Variants in CACNA2D3 observed in about 807,000 individuals in gnomAD.
The protein encoded by CACNA2D3 is calcium voltage-gated channel auxiliary subunit alpha2delta 3.
In CACNA2D3, 60 loss-of-function variants were observed where a neutral mutation model predicts 160.6. The ratio of observed to expected loss-of-function variants is 0.37; its 90% CI spans 0.30 to 0.46. The LOEUF is 0.46. Ranked by LOEUF, CACNA2D3 falls within the 20% of genes least tolerant of loss-of-function variation. CACNA2D3 has a pLI of 1.00. For synonymous variants in CACNA2D3, 558 were observed against 492.9 expected (o/e 1.13, Z -1.75); for missense variants, 1,205 against 1,365.0 (o/e 0.88, Z 1.85).
rs554126211 is a variant in CACNA2D3, at chr3:54,878,776, G to T, written c.1711-242G>T. The T allele has an allele frequency of 3.7e-4, 130 of 347,360 alleles. 3 individuals carry two copies. The South Asian group carries it at 0.013, about 34-fold the overall frequency. The allele number at this position is 347,360 out of a possible 1,614,324, so 21.5% of individuals were successfully genotyped here. ...CCCGGGATTCATCAGTATCGCCAAG[G>T]CTCTTTTGTTATTGTCCTGAAGTTT... is the stretch of plus-strand genomic sequence containing the variant. On this transcript the variant is annotated intron_variant, in intron 18 of 37. Coordinates refer to ENST00000474759, the MANE Select transcript of CACNA2D3 (RefSeq NM_018398.3).
chr3:54,127,244 G>T (rs896184328), intron 2 of CACNA2D3, among the ~76,000 whole-genome samples: 2 of 152,234 alleles, frequency 1.3e-5, no homozygotes, highest in Admixed American at 1.3e-4. Context: ...CGCTGGAACA[G>T]AATTGACATT....
intron 13 of CACNA2D3, among the ~76,000 whole-genome samples, chr3:54,765,400 A>G (rs1302928590): frequency 1.3e-5 from 2 of 152,214 alleles, no homozygotes; most frequent in African/African-American, 4.8e-5. Flanking sequence ...TCTTGAATAA[A>G]GATGAATGTT....
At chr3:54,122,955 C>G (rs1449825901) in intron 1 of CACNA2D3, 120 bp downstream of exon 1, 2 of 950,966 alleles carry the variant, frequency 2.1e-6, no homozygotes, top group Non-Finnish European at 2.7e-6. Context: ...TCGGCCTCGC[C>G]GCTCGCACCT....
chr3:54,303,489 C>G (rs561882222), intron 2 of CACNA2D3, among the ~76,000 whole-genome samples: 1 of 152,302 alleles, frequency 6.6e-6, no homozygotes, highest in African/African-American at 2.4e-5. Context: ...GAGCCATTTT[C>G]AAAAGCCTAT....
chr3:54,338,450 C>A (rs1704439573), intron 3 of CACNA2D3, among the ~76,000 whole-genome samples: 1 of 146,040 alleles, frequency 6.8e-6, no homozygotes, highest in Non-Finnish European at 1.5e-5. Flanking sequence ...TTTTATAGCT[C>A]TCTTCATCTC....
intron 2 of CACNA2D3, among the ~76,000 whole-genome samples, chr3:54,226,097 T>C (rs1701665856): frequency 6.6e-6 from 1 of 152,062 alleles, no homozygotes; most frequent in African/African-American, 2.4e-5. Context: ...CTCAATGTCA[T>C]TGGCACTGAA....
chr3:54,691,569 G>A (rs904454579), intron 11 of CACNA2D3, among the ~76,000 whole-genome samples: 14 of 152,256 alleles, frequency 9.2e-5, no homozygotes, highest in African/African-American at 2.4e-4. Flanking sequence ...AAAAGGTGCC[G>A]AAAGTATATT....
intron 17 of CACNA2D3, among the ~76,000 whole-genome samples, chr3:54,857,672 TGTTCTCAGGGACTTCTGAGAGA>T (rs1281461325): frequency 6.6e-6 from 1 of 152,240 alleles, no homozygotes; most frequent in Non-Finnish European, 1.5e-5. Context: ...ACTTGAATCC[TGTTCTCAGGGACTTCTGAGAGA>T]ATTCAAGCCA....
chr3:54,871,881 C>T (rs1699544922), intron 18 of CACNA2D3, among the ~76,000 whole-genome samples: 1 of 152,196 alleles, frequency 6.6e-6, no homozygotes, highest in Admixed American at 6.5e-5. Flanking sequence ...GGACGCTGGT[C>T]CCCTCTGCAG....
intron 9 of CACNA2D3, among the ~76,000 whole-genome samples, chr3:54,622,798 G>A (rs1249932165): frequency 1.3e-5 from 2 of 152,160 alleles, no homozygotes; most frequent in African/African-American, 4.8e-5. Context: ...GGGTGTACAT[G>A]GTTAGGATTG....
At chr3:54,339,810 T>C (rs1704474381) in intron 3 of CACNA2D3, among the ~76,000 whole-genome samples, 1 of 152,360 alleles carries the variant, frequency 6.6e-6, no homozygotes, top group African/African-American at 2.4e-5. Context: ...GTGGGTAGAA[T>C]TGAAACTACT....
rs527888989 is a variant in CACNA2D3 at position 54,145,400 on chromosome 3, A to G, written c.204+21806A>G. On this transcript the variant is annotated intron_variant, in intron 2 of 37. Coordinates refer to ENST00000474759, the MANE Select transcript of CACNA2D3 (RefSeq NM_018398.3). ...TCTGGAGCCTGGTTGCCAAACTGCA[A>G]GCTCTTTACTGCTAGCTTGAAAAAT... Among the ~76,000 whole-genome samples, 43 of 152,312 alleles carry G rather than the reference A, an allele frequency of 2.8e-4. No individual in the cohort carries two copies. The South Asian group carries it at 8.7e-3, about 31-fold the overall frequency.
intron 11 of CACNA2D3, among the ~76,000 whole-genome samples, chr3:54,693,030 A>AACC (rs797003162): frequency 2.6e-5 from 4 of 151,714 alleles, no homozygotes; most frequent in African/African-American, 7.3e-5. Flanking sequence ...GTAAAAAAAA[A>AACC]ACCACCACCA....
chr3:54,765,160 C>T (rs1452646455), intron 13 of CACNA2D3, among the ~76,000 whole-genome samples: 2 of 152,114 alleles, frequency 1.3e-5, no homozygotes, highest in African/African-American at 2.4e-5. Context: ...CAATGGCTGT[C>T]ATGGGTCAGC....
intron 3 of CACNA2D3, among the ~76,000 whole-genome samples, chr3:54,342,936 C>T (rs1275285265): frequency 2.0e-5 from 3 of 152,146 alleles, no homozygotes; most frequent in Admixed American, 6.5e-5. Context: ...CGGGGGGGCC[C>T]GCCCTGGGTA....
At chr3:54,920,676 A>G (rs947543178) in intron 27 of CACNA2D3, among the ~76,000 whole-genome samples, 12 of 152,188 alleles carry the variant, frequency 7.9e-5, no homozygotes, top group African/African-American at 2.9e-4. Flanking sequence ...AAAAGGTCAG[A>G]GAGACAGAAA....
intron 2 of CACNA2D3, among the ~76,000 whole-genome samples, chr3:54,268,468 G>A (rs924361084): frequency 6.6e-6 from 1 of 152,156 alleles, no homozygotes; most frequent in Non-Finnish European, 1.5e-5. Flanking sequence ...GGAGTGCAGT[G>A]GCGCAATGTT....
chr3:54,175,982 A>C (rs151044554), intron 2 of CACNA2D3, among the ~76,000 whole-genome samples: 2 of 152,344 alleles, frequency 1.3e-5, no homozygotes, highest in East Asian at 3.9e-4. Context: ...ATATGGGTTC[A>C]GTTAATGAAA....
chr3:54,491,878 G>C (rs922874526), intron 4 of CACNA2D3, among the ~76,000 whole-genome samples: 1 of 152,182 alleles, frequency 6.6e-6, no homozygotes, highest in South Asian at 2.1e-4. Flanking sequence ...GTAGGTGGTG[G>C]AGGAGAGGCT....
Sources: allele counts gnomAD v4.1 joint callset (sites outside exome capture counted in the v4.1 genomes callset), GRCh38; gene constraint gnomAD v4.1.1; transcripts MANE v1.5; gene names NCBI Gene and HGNC (gene_info 2026-07-23, HGNC 2026-07-21).